CCDC150: variants seen among roughly 807,000 people sequenced by gnomAD.
CCDC150 encodes coiled-coil domain containing 150, also known as coiled-coil domain-containing protein 150.
A neutral mutation model predicts 156.5 loss-of-function variants in CCDC150; 151 were observed. The observed-to-expected ratio is 0.97, with a 90% confidence interval of 0.85 to 1.10. The LOEUF (loss-of-function observed/expected upper bound fraction) is 1.10, where lower values mean the gene tolerates loss of function less well. CCDC150 is among the 50% of genes least tolerant of loss of function. The probability of loss-of-function intolerance (pLI) is 0.00; values close to 1 mark genes in which losing one functional copy is unlikely to be tolerated. For missense variants in CCDC150, 1,312 were observed against 1,268.1 expected, an observed-to-expected ratio of 1.03 and a Z score of -0.53; for synonymous variants, 452 against 429.4, an observed-to-expected ratio of 1.05 and a Z score of -0.65.
At chr2:196,714,428 T>A (rs1697352285) in intron 17 of CCDC150, among the ~76,000 whole-genome samples, 4 of 152,154 alleles carry the variant, frequency 2.6e-5, no homozygotes, top group Admixed American at 2.6e-4. Context: ...TCCAAGACAC[T>A]CTCCCTTTCC....
At chr2:196,697,614 T>C (rs956289238) in intron 14 of CCDC150, among the ~76,000 whole-genome samples, 12 of 152,206 alleles carry the variant, frequency 7.9e-5, no homozygotes, top group African/African-American at 2.9e-4. Flanking sequence ...TGTACACTCA[T>C]GCAGATGTCT....
At chr2:196,708,303 G>A (rs890937145) in intron 15 of CCDC150, among the ~76,000 whole-genome samples, 2 of 152,110 alleles carry the variant, frequency 1.3e-5, no homozygotes, top group Non-Finnish European at 2.9e-5. Context: ...CTTAAAGTCT[G>A]TTTTATCAGA....
intron 4 of CCDC150, among the ~76,000 whole-genome samples, chr2:196,657,696 G>C (rs1222197870): frequency 1.3e-5 from 2 of 152,156 alleles, no homozygotes; most frequent in Non-Finnish European, 2.9e-5. Context: ...ACTTGGAAAA[G>C]AAACTAACAA....
In CCDC150 at chr2:196,676,624, C is replaced by CA. The variant is rs762113741; in HGVS notation, c.1338dup (p.Glu447ArgfsTer13). ...GGATGCTGAAAAGAGAACAGCTGTG[C>CA]AAAAAGAGCTGCTAGAATCAACTAT... is the stretch of plus-strand genomic sequence containing the variant. On this transcript the variant is annotated frameshift_variant, in exon 12 of 28. Coordinates refer to ENST00000389175, the MANE Select transcript of CCDC150 (RefSeq NM_001080539.2). LOFTEE classifies it high-confidence loss of function. 28 of 1,613,414 alleles carry CA rather than the reference C, an allele frequency of 1.7e-5. No individual in the cohort carries two copies. The African/African-American group carries it at 3.7e-4, about 22-fold the overall frequency.
At chr2:196,644,610 G>A (rs1231895401) in intron 1 of CCDC150, among the ~76,000 whole-genome samples, 1 of 151,946 alleles carries the variant, frequency 6.6e-6, no homozygotes, top group Non-Finnish European at 1.5e-5. Context: ...TGCGTGTCCA[G>A]AGACTGCATC....
chr2:196,670,376 A>G (rs1229709647), intron 8 of CCDC150, among the ~76,000 whole-genome samples: 1 of 151,918 alleles, frequency 6.6e-6, no homozygotes. Flanking sequence ...ATCCTGTGTT[A>G]TATGTTGTCT....
intron 10 of CCDC150, among the ~76,000 whole-genome samples, chr2:196,675,697 G>A (rs2125614672): frequency 6.6e-6 from 1 of 152,288 alleles, no homozygotes; most frequent in East Asian, 1.9e-4. Context: ...TGTTAAACAT[G>A]ATAATCCTTA....
At chr2:196,702,450 TTCCGGGCTCA>T (rs1696288605) in intron 15 of CCDC150, among the ~76,000 whole-genome samples, 1 of 151,562 alleles carries the variant, frequency 6.6e-6, no homozygotes, top group Non-Finnish European at 1.5e-5. Flanking sequence ...AGCCTCTGCC[TTCCGGGCTCA>T]AATGTTCCTC....
intron 15 of CCDC150, among the ~76,000 whole-genome samples, chr2:196,705,564 C>T (rs1372772138): frequency 6.6e-6 from 1 of 152,176 alleles, no homozygotes; most frequent in African/African-American, 2.4e-5. Flanking sequence ...AATTAGATCC[C>T]ATTTGTCAAT....
In CCDC150 at chr2:196,732,464, G is replaced by A. The variant is rs1463651577; in HGVS notation, c.3208G>A (p.Asp1070Asn). Reference sequence around the variant, plus strand: ...CCAACAGGACCAAGATGTAAAACATGATGTCATGTCCAACCAATCTGTTCT... The same window carrying A: ...CCAACAGGACCAAGATGTAAAACATAATGTCATGTCCAACCAATCTGTTCT... ...WQEKDQDVKHDVMSNQSVLHR... is the reference protein window; with the variant it reads ...WQEKDQDVKHNVMSNQSVLHR... The change falls in exon 28 of 28, where the codon GAT becomes AAT. Residue 1070 changes from aspartate (D) to asparagine (N), a missense_variant. By Grantham distance (23) the Asp-to-Asn change is conservative. Transcript: ENST00000389175. 1 of 1,612,994 alleles carries A rather than the reference G, an allele frequency of 6.2e-7. No individual in the cohort carries two copies. Among genetic ancestry groups the A allele is most frequent in the East Asian group, 2.2e-5 (1 of 44,884 alleles).
At chr2:196,685,655 A>G (rs1226258236) in intron 13 of CCDC150, among the ~76,000 whole-genome samples, 2 of 150,674 alleles carry the variant, frequency 1.3e-5, no homozygotes, top group Middle Eastern at 3.5e-3. Context: ...TCTGTCACCC[A>G]GGCTGGAGTG....
chr2:196,650,927 A>G (rs998096186), intron 2 of CCDC150, among the ~76,000 whole-genome samples: 2 of 152,116 alleles, frequency 1.3e-5, no homozygotes, highest in Non-Finnish European at 2.9e-5. Flanking sequence ...TTTATTTGAT[A>G]GGAGGAAACT....
chr2:196,697,049 C>A (rs1488046874), intron 14 of CCDC150, among the ~76,000 whole-genome samples: 1 of 152,170 alleles, frequency 6.6e-6, no homozygotes, highest in Admixed American at 6.5e-5. Flanking sequence ...AGAATAATTA[C>A]TACATTGATT....
intron 5 of CCDC150, among the ~76,000 whole-genome samples, chr2:196,660,711 A>G (rs1277027485): frequency 1.3e-5 from 2 of 152,172 alleles, no homozygotes; most frequent in African/African-American, 2.4e-5. Flanking sequence ...CCAGTCCTTT[A>G]TCAAAGATGT....
At chr2:196,695,472 G>A (rs961124672) in intron 14 of CCDC150, among the ~76,000 whole-genome samples, 2 of 152,132 alleles carry the variant, frequency 1.3e-5, no homozygotes, top group East Asian at 1.9e-4. Context: ...CCTCCATTAG[G>A]CAATCAGTAA....
chr2:196,658,874 A>C lies in CCDC150; in HGVS notation c.645+14A>C, dbSNP rs773573597. On this transcript the variant is annotated intron_variant, in intron 5 of 27. Transcript: ENST00000389175. ...AAAATTCAAGAGGTAAGACAAAAAG[A>C]TGGAGGGTGGAGGAGGTGTTGGAAT... 1.3e-6 allele frequency: 2 copies of C among 1,578,108 alleles called. No homozygotes were observed. The highest frequency in any genetic ancestry group is 2.3e-5 in the East Asian group (1 of 44,168).
intron 8 of CCDC150, among the ~76,000 whole-genome samples, chr2:196,670,173 C>A (rs531450692): frequency 2.6e-5 from 4 of 151,988 alleles, no homozygotes; most frequent in African/African-American, 9.6e-5. Context: ...AATATAACTA[C>A]TTTTTGGTGT....
chr2:196,694,765 G>A lies in CCDC150; in HGVS notation c.1510-281G>A, dbSNP rs192616927. Among the ~76,000 whole-genome samples the A allele has an allele frequency of 2.5e-3, 387 of 152,274 alleles. 3 individuals carry two copies. The highest frequency in any genetic ancestry group is 8.8e-3 in the African/African-American group (367 of 41,560). Reference sequence around the variant, plus strand: ...TAATCCTAGCTACTCAGGAGGCTGAGGCAGGAGAATTGCTTGAACCCGGGA... The same window carrying A: ...TAATCCTAGCTACTCAGGAGGCTGAAGCAGGAGAATTGCTTGAACCCGGGA... On this transcript the variant is annotated intron_variant, in intron 13 of 27. Transcript: ENST00000389175.
At chr2:196,649,939 A>T (rs1324470222) in intron 2 of CCDC150, among the ~76,000 whole-genome samples, 1 of 152,222 alleles carries the variant, frequency 6.6e-6, no homozygotes, top group Non-Finnish European at 1.5e-5. Flanking sequence ...TATGTCTTCA[A>T]CAAAAAGAGA....
Sources: gnomAD v4.1 joint callset for allele counts (sites outside exome capture counted in the v4.1 genomes callset) on GRCh38, gnomAD v4.1.1 for gene constraint, MANE v1.5 for transcripts, NCBI Gene and HGNC (gene_info 2026-07-23, HGNC 2026-07-21) for gene names.